The following PAM variants were observed in gnomAD, a reference collection of about 807,000 sequenced individuals.
PAM encodes peptidyl-glycine alpha-amidating monooxygenase.
A neutral mutation model predicts 122.1 loss-of-function variants in PAM; 72 were observed. The ratio of observed to expected loss-of-function variants is 0.59; its 90% confidence interval spans 0.49 to 0.72. The LOEUF (loss-of-function observed/expected upper bound fraction) is 0.72, where lower values mean the gene tolerates loss of function less well. Ranked by LOEUF, PAM falls within the 30% of genes least tolerant of loss-of-function variation. PAM has a pLI of 0.00. For missense variants in PAM, 1,106 were observed against 1,183.7 expected, an observed-to-expected ratio of 0.93 and a Z score of 0.96; for synonymous variants, 389 against 404.4, an observed-to-expected ratio of 0.96 and a Z score of 0.46.
chr5:102,989,308 A>C (rs1446445400), intron 15 of PAM, among the ~76,000 whole-genome samples: 1 of 152,120 alleles, frequency 6.6e-6, no homozygotes, highest in Non-Finnish European at 1.5e-5. Flanking sequence ...ATTGGAGACC[A>C]TCCTGGGCAA....
At chr5:102,989,150 C>T (rs929193488) in intron 15 of PAM, among the ~76,000 whole-genome samples, 1 of 152,118 alleles carries the variant, frequency 6.6e-6, no homozygotes, top group Non-Finnish European at 1.5e-5. Context: ...TGTATATCCT[C>T]AATTAGTATA....
At chr5:102,976,874 A>G (rs979096761) in intron 15 of PAM, among the ~76,000 whole-genome samples, 4 of 152,156 alleles carry the variant, frequency 2.6e-5, no homozygotes, top group Non-Finnish European at 4.4e-5. Flanking sequence ...TTACATTTCA[A>G]TACAGTTGTG....
chr5:102,988,328 C>G (rs1562149660), intron 15 of PAM, among the ~76,000 whole-genome samples: 2 of 143,136 alleles, frequency 1.4e-5, no homozygotes, highest in Non-Finnish European at 2.9e-5. Flanking sequence ...TAATCCTACC[C>G]TATCCCAGCC....
intron 1 of PAM, among the ~76,000 whole-genome samples, chr5:102,836,784 A>G (rs889930115): frequency 1.3e-5 from 2 of 151,778 alleles, no homozygotes; most frequent in Admixed American, 6.6e-5. Flanking sequence ...TGAACTTGCT[A>G]TCTTGTAGTG....
At chr5:102,948,086 G>GT (rs1207238282) in intron 8 of PAM, among the ~76,000 whole-genome samples, 1 of 152,074 alleles carries the variant, frequency 6.6e-6, no homozygotes, top group East Asian at 1.9e-4. Flanking sequence ...TAATTTAAAG[G>GT]TTAATCACAT....
intron 16 of PAM, among the ~76,000 whole-genome samples, chr5:102,992,945 T>C (rs529656847): frequency 6.6e-6 from 1 of 152,192 alleles, no homozygotes; most frequent in South Asian, 2.1e-4. Context: ...AATTCCTAAT[T>C]AATACTCAGT....
At chr5:102,964,742 TG>T (rs1390026988) in intron 14 of PAM, among the ~76,000 whole-genome samples, 3 of 136,986 alleles carry the variant, frequency 2.2e-5, no homozygotes, top group Non-Finnish European at 3.3e-5. Context: ...TATATGCATA[TG>T]TAAAGCACAT....
At chr5:103,016,147 T>C (rs1781920771) in intron 21 of PAM, among the ~76,000 whole-genome samples, 1 of 152,164 alleles carries the variant, frequency 6.6e-6, no homozygotes, top group East Asian at 1.9e-4. Flanking sequence ...TCTACATATT[T>C]GTCACAGCTT....
intron 1 of PAM, among the ~76,000 whole-genome samples, chr5:102,801,924 G>A (rs926405050): frequency 1.1e-4 from 17 of 150,330 alleles, no homozygotes; most frequent in African/African-American, 4.2e-4. Flanking sequence ...GACTACAGGC[G>A]CCCGCCACCA....
intron 7 of PAM, among the ~76,000 whole-genome samples, chr5:102,932,884 C>T (rs1046700225): frequency 6.6e-6 from 1 of 151,980 alleles, no homozygotes; most frequent in African/African-American, 2.4e-5. Context: ...AGAGTTTTTC[C>T]ATGTAACTGG....
chr5:102,799,836 CTTCT>C (rs1764238407), intron 1 of PAM, among the ~76,000 whole-genome samples: 2 of 152,240 alleles, frequency 1.3e-5, no homozygotes, highest in South Asian at 2.1e-4. Context: ...CGTCTTTTCT[CTTCT>C]TTCTATTTTG....
intron 3 of PAM, among the ~76,000 whole-genome samples, chr5:102,883,157 C>G (rs968028242): frequency 6.6e-6 from 1 of 151,898 alleles, no homozygotes; most frequent in Non-Finnish European, 1.5e-5. Context: ...AATGTAATGT[C>G]TCCAGATTTG....
intron 23 of PAM, among the ~76,000 whole-genome samples, chr5:103,021,177 A>G (rs752549112): frequency 2.1e-4 from 32 of 152,194 alleles, no homozygotes; most frequent in African/African-American, 5.8e-4. Context: ...CAGAATTCCT[A>G]CTAAGATAGT....
chr5:103,006,027 C>T (rs1562219057), intron 18 of PAM, among the ~76,000 whole-genome samples: 1 of 152,114 alleles, frequency 6.6e-6, no homozygotes. Flanking sequence ...CTCCACCTCC[C>T]AGGCTGAGGT....
chr5:102,756,926 AACTT>A (rs1171175373), intron 1 of PAM, among the ~76,000 whole-genome samples: 1 of 152,212 alleles, frequency 6.6e-6, no homozygotes, highest in African/African-American at 2.4e-5. Flanking sequence ...CTTCCAAGGT[AACTT>A]AAAGACTATG....
chr5:102,895,583 C>T (rs114402160), intron 3 of PAM, among the ~76,000 whole-genome samples: 2,530 of 151,684 alleles, frequency 0.017, 80 homozygotes, highest in African/African-American at 0.057. Flanking sequence ...GGGAAAAAAA[C>T]ACAGAAATTG....
chr5:102,979,552 C>A (rs1359153886), intron 15 of PAM, among the ~76,000 whole-genome samples: 5 of 151,968 alleles, frequency 3.3e-5, no homozygotes, highest in Non-Finnish European at 7.4e-5. Context: ...AGTTCTATTT[C>A]TTAAAATTAA....
intron 4 of PAM, among the ~76,000 whole-genome samples, chr5:102,908,711 G>T (rs1441274182): frequency 1.3e-5 from 2 of 150,162 alleles, no homozygotes; most frequent in African/African-American, 4.9e-5. Flanking sequence ...AAAACTTAAA[G>T]TATAATAATA....
rs772482385 is a variant in PAM at position 102,926,635 on chromosome 5, C to T, written c.493C>T (p.Gln165Ter). The change falls in exon 7 of 26, where the codon CAG (glutamine) becomes TAG (stop). Residue 165 changes from glutamine to a stop codon, truncating the protein, a stop_gained. Transcript: ENST00000438793. LOFTEE classifies it high-confidence loss of function. The stretch of plus-strand genomic sequence containing the variant: ...GACTGGAAGTAAATACTTTGTACTA[C>T]AGGTACACTATGGGGATATTAGTGC... ...GETGSKYFVL[Q>*]VHYGDISAFR... 3.8e-6 allele frequency: 6 copies of T among 1,596,012 alleles called. No individual in the cohort carries two copies. The highest frequency in any genetic ancestry group is 4.3e-6 in the Non-Finnish European group (5 of 1,163,800).
Sources: gnomAD v4.1 joint callset for allele counts (sites outside exome capture counted in the v4.1 genomes callset) on GRCh38, gnomAD v4.1.1 for gene constraint, MANE v1.5 for transcripts, NCBI Gene and HGNC (gene_info 2026-07-23, HGNC 2026-07-21) for gene names.